Variants in FAM120C observed in about 807,000 individuals in gnomAD.
FAM120C encodes the protein constitutive coactivator of PPAR-gamma-like protein 2.
Under a neutral mutation model 71.2 loss-of-function variants are expected in FAM120C, and 14 were observed. That is an observed-to-expected ratio of 0.20 (90% CI 0.13 to 0.31). The LOEUF is 0.31. Among genes scored for constraint, FAM120C ranks in the 10% least tolerant of loss-of-function variants. The probability of loss-of-function intolerance (pLI) is 1.00; values close to 1 mark genes in which losing one functional copy is unlikely to be tolerated. For missense variants in FAM120C, 500 were observed against 879.0 expected, an observed-to-expected ratio of 0.57 and a Z score of 5.45; for synonymous variants, 354 against 353.2, an observed-to-expected ratio of 1.00 and a Z score of -0.03.
At chrX:54,149,385 C>T (rs1264323947) in intron 4 of FAM120C, among the ~76,000 whole-genome samples, 1 of 111,725 alleles carries the variant, frequency 9.0e-6, no homozygotes, top group Non-Finnish European at 1.9e-5. Context: ...CGCCTGTAAT[C>T]CCAGCACTTT....
chrX:54,141,825 A>T (rs1046198714), intron 4 of FAM120C, among the ~76,000 whole-genome samples: 1 of 111,759 alleles, frequency 8.9e-6, no homozygotes, highest in African/African-American at 3.2e-5. Flanking sequence ...AGCAATGAAC[A>T]ATTAGAAATT....
intron 1 of FAM120C, among the ~76,000 whole-genome samples, chrX:54,181,103 T>C (rs2067347189): frequency 9.1e-6 from 1 of 109,753 alleles, no homozygotes; most frequent in African/African-American, 3.3e-5. Flanking sequence ...CTAGGCACTC[T>C]AGGCACAGAT....
chrX:54,138,545 G>A (rs1191561282), intron 4 of FAM120C, among the ~76,000 whole-genome samples: 1 of 105,016 alleles, frequency 9.5e-6, no homozygotes, highest in African/African-American at 3.5e-5. Context: ...GGTAAAGGAG[G>A]GCCAGGTGCA....
chrX:54,159,173 C>G (rs782212422), intron 2 of FAM120C, among the ~76,000 whole-genome samples, 197 bp downstream of exon 2: 4 of 111,841 alleles, frequency 3.6e-5, no homozygotes, highest in Non-Finnish European at 5.6e-5. Flanking sequence ...TAGCAACCCA[C>G]AAAACAAACA....
intron 1 of FAM120C, among the ~76,000 whole-genome samples, chrX:54,160,256 TCTAA>T (rs2067229573): frequency 9.0e-6 from 1 of 111,250 alleles, no homozygotes; most frequent in Admixed American, 9.6e-5. Context: ...TCTAAGTTTA[TCTAA>T]CTGTTTTCAA....
chrX:54,180,698 CCACTTATCT>C (rs1569534090), intron 1 of FAM120C, among the ~76,000 whole-genome samples: 2 of 111,841 alleles, frequency 1.8e-5, no homozygotes, highest in African/African-American at 6.5e-5. Flanking sequence ...CTCAGCCCTG[CCACTTATCT>C]CTGGGTGACT....
intron 15 of FAM120C, among the ~76,000 whole-genome samples, chrX:54,078,874 A>C (rs1343369503): frequency 2.7e-5 from 3 of 110,263 alleles, no homozygotes; most frequent in Non-Finnish European, 3.8e-5. Flanking sequence ...GATTAGAAGA[A>C]AGTTTAAAGG....
At chrX:54,174,309 C>T (rs1305843799) in intron 1 of FAM120C, among the ~76,000 whole-genome samples, 1 of 111,644 alleles carries the variant, frequency 9.0e-6, no homozygotes, top group African/African-American at 3.3e-5. Context: ...AGCCCACAAA[C>T]GGGGGGGACA....
chrX:54,138,623 G>A (rs1301925065), intron 4 of FAM120C, among the ~76,000 whole-genome samples: 1 of 109,583 alleles, frequency 9.1e-6, no homozygotes, highest in African/African-American at 3.3e-5. Flanking sequence ...CCAGGAGTTC[G>A]AGACCAGCCT....
intron 8 of FAM120C, among the ~76,000 whole-genome samples, chrX:54,133,075 G>T (rs1392943295): frequency 8.9e-6 from 1 of 112,319 alleles, no homozygotes; most frequent in Non-Finnish European, 1.9e-5. Flanking sequence ...TCAACGGCTG[G>T]GCATGGTGGC....
Position 54,116,423 on chromosome X carries a change from G to T in FAM120C, c.2312+122C>A, listed in dbSNP as rs193209268. The T allele has an allele frequency of 8.8e-6, 7 of 793,843 alleles. No individual in the cohort carries two copies. The African/African-American group carries it at 1.3e-4, about 14-fold the overall frequency. 65.4% of individuals were successfully genotyped at this position (793,843 alleles called of 1,213,427 possible). A position where few individuals can be genotyped will look rare whatever the true frequency, so the allele number is the denominator to read the frequency against. ...AACAATCATTTTCGGTGTTTCTGGC[G>T]CATAAGCCAAACATAAAATAAAAAT... On this transcript the variant is annotated intron_variant, in intron 10 of 15. Transcript: ENST00000375180.
chrX:54,111,361 T>C (rs1334438446), intron 10 of FAM120C, among the ~76,000 whole-genome samples: 11 of 111,530 alleles, frequency 9.9e-5, no homozygotes, highest in Non-Finnish European at 2.1e-4. Flanking sequence ...TGTTTGCTGA[T>C]GATATCATCT....
intron 1 of FAM120C, among the ~76,000 whole-genome samples, chrX:54,175,416 T>C (rs970411801): frequency 2.7e-5 from 3 of 110,893 alleles, no homozygotes; most frequent in Non-Finnish European, 3.8e-5. Context: ...GGTGGGCAGA[T>C]CATGAAGGCA....
intron 1 of FAM120C, among the ~76,000 whole-genome samples, chrX:54,168,319 A>G (rs2067270770): frequency 9.0e-6 from 1 of 110,674 alleles, no homozygotes; most frequent in Non-Finnish European, 1.9e-5. Flanking sequence ...GATTTTGTGT[A>G]GAGACAGGTC....
intron 3 of FAM120C, among the ~76,000 whole-genome samples, chrX:54,153,321 G>A (rs1339305886): frequency 9.1e-6 from 1 of 110,339 alleles, no homozygotes; most frequent in Non-Finnish European, 1.9e-5. Flanking sequence ...GAAAGAAAGA[G>A]ATCAGATATG....
At chrX:54,139,329 T>TTTTATTTATTTATTTG (rs2067111241) in intron 4 of FAM120C, among the ~76,000 whole-genome samples, 1 of 88,975 alleles carries the variant, frequency 1.1e-5, no homozygotes, top group Non-Finnish European at 2.2e-5. Flanking sequence ...TTTTTTTTGC[T>TTTTATTTATTTATTTG]TTTATTTATT....
At chrX:54,110,162 G>A (rs1229772858) in intron 10 of FAM120C, among the ~76,000 whole-genome samples, 18 of 107,143 alleles carry the variant, frequency 1.7e-4, no homozygotes, top group African/African-American at 5.8e-4. Context: ...GATTACAGCC[G>A]TATTTTTAGT....
At chrX:54,098,111 G>A (rs1313708765) in intron 10 of FAM120C, among the ~76,000 whole-genome samples, 1 of 102,886 alleles carries the variant, frequency 9.7e-6, no homozygotes, top group Non-Finnish European at 2.0e-5. Flanking sequence ...ACACGGTCTC[G>A]GCTCACTGCA....
chrX:54,111,779 A>C (rs1469540050), intron 10 of FAM120C, among the ~76,000 whole-genome samples: 1 of 112,141 alleles, frequency 8.9e-6, no homozygotes, highest in African/African-American at 3.2e-5. Flanking sequence ...GAATTAGAAA[A>C]AACAATCCTA....
Sources: allele counts gnomAD v4.1 joint callset (sites outside exome capture counted in the v4.1 genomes callset), GRCh38; gene constraint gnomAD v4.1.1; transcripts MANE v1.5; gene names NCBI Gene and HGNC (gene_info 2026-07-23, HGNC 2026-07-21).